Variants in BCAR3 observed in about 807,000 individuals in gnomAD.
The protein encoded by BCAR3 is BCAR3 adaptor protein, NSP family member.
BCAR3 carries 37 observed loss-of-function variants against 80.1 expected under a neutral mutation model. That is an observed-to-expected ratio of 0.46 (90% CI 0.36 to 0.61). The LOEUF (loss-of-function observed/expected upper bound fraction) is 0.61, where lower values mean the gene tolerates loss of function less well. BCAR3 is among the 20% of genes least tolerant of loss of function. BCAR3 has a pLI of 0.00. For synonymous variants in BCAR3, 389 were observed against 418.9 expected (o/e 0.93, Z 0.87); for missense variants, 978 against 1,068.2 (o/e 0.92, Z 1.18).
At chr1:93,705,655 C>T (rs1002149800) in intron 3 of BCAR3, among the ~76,000 whole-genome samples, 2 of 152,218 alleles carry the variant, frequency 1.3e-5, no homozygotes, top group African/African-American at 4.8e-5. Context: ...ACCTGAAACC[C>T]TCCCCACCTT....
At chr1:93,751,607 T>C (rs1024714040) in intron 2 of BCAR3, among the ~76,000 whole-genome samples, 6 of 152,146 alleles carry the variant, frequency 3.9e-5, no homozygotes, top group Non-Finnish European at 4.4e-5. Flanking sequence ...CGGACCTAGT[T>C]TTCTTCTAAA....
intron 2 of BCAR3, among the ~76,000 whole-genome samples, chr1:93,827,888 C>T (rs1654423714): frequency 6.6e-6 from 1 of 152,098 alleles, no homozygotes; most frequent in Non-Finnish European, 1.5e-5. Context: ...GATTGGAAGG[C>T]CTCAGAAGCA....
At chr1:93,694,054 G>A (rs1649295508) in intron 3 of BCAR3, among the ~76,000 whole-genome samples, 2 of 152,224 alleles carry the variant, frequency 1.3e-5, no homozygotes, top group African/African-American at 4.8e-5. Context: ...AGTTGCCCAA[G>A]GTTGCATGTC....
chr1:93,562,120 A>G lies in BCAR3; in HGVS notation c.*121T>C, dbSNP rs1457114168. The G allele has an allele frequency of 9.8e-7, 1 of 1,017,100 alleles. No individual in the cohort carries two copies. Among genetic ancestry groups the G allele is most frequent in the Non-Finnish European group, 1.4e-6 (1 of 706,384 alleles). 63.0% of individuals were successfully genotyped at this position (1,017,100 alleles called of 1,614,324 possible). On this transcript the variant is annotated 3_prime_UTR_variant, in exon 12 of 12. Transcript: ENST00000260502. ...AATTTACACGTTTAATATCCTGTGG[A>G]TACTAAAAGCTTGTATATTGTCAGA...
intron 3 of BCAR3, chr1:93,594,350 T>A (rs939691268): frequency 5.0e-4 from 76 of 152,280 alleles, no homozygotes; most frequent in African/African-American, 1.8e-3. Flanking sequence ...AAGACCACAT[T>A]CCTCAATCTC....
Position 93,566,995 on chromosome 1 carries a change from T to C in BCAR3, c.2299+284A>G, listed in dbSNP as rs543180666. 2.2e-4 allele frequency among the ~76,000 whole-genome samples: 33 copies of C among 152,312 alleles called. 1 individual carries two copies. In the South Asian group the frequency reaches 6.8e-3, roughly 32 times the overall value. On this transcript the variant is annotated intron_variant, in intron 11 of 11. Coordinates refer to ENST00000260502, the MANE Select transcript of BCAR3 (RefSeq NM_003567.4). ...TACCTGCCTCAGCCTCCCAGAGTGC[T>C]GGGATTACAGGCTTGAACCACCACG...
At chr1:93,757,792 G>C (rs928364466) in intron 2 of BCAR3, among the ~76,000 whole-genome samples, 1 of 152,180 alleles carries the variant, frequency 6.6e-6, no homozygotes, top group African/African-American at 2.4e-5. Flanking sequence ...CCTCTGTGCT[G>C]GCAGCCTCTT....
intron 2 of BCAR3, chr1:93,754,415 T>C (rs1651679051): frequency 6.6e-6 from 1 of 152,240 alleles, no homozygotes; most frequent in Non-Finnish European, 1.5e-5. Context: ...TTAGTGGAAA[T>C]ACCTTCCATT....
At chr1:93,731,487 G>A (rs543990250) in intron 2 of BCAR3, among the ~76,000 whole-genome samples, 3 of 151,956 alleles carry the variant, frequency 2.0e-5, no homozygotes, top group Non-Finnish European at 4.4e-5. Context: ...GGGGAAAGCC[G>A]CTGGGCCTGC....
chr1:93,591,482 A>G (rs1674186803), intron 4 of BCAR3, among the ~76,000 whole-genome samples: 1 of 152,120 alleles, frequency 6.6e-6, no homozygotes, highest in African/African-American at 2.4e-5. Flanking sequence ...CTCAAAAAAA[A>G]GAAAAAAAAC....
At chr1:93,623,349 A>G (rs1047130974) in intron 3 of BCAR3, among the ~76,000 whole-genome samples, 33 of 152,154 alleles carry the variant, frequency 2.2e-4, no homozygotes, top group African/African-American at 7.7e-4. Flanking sequence ...TAAAAGCTTT[A>G]CTGAGTAGCA....
At chr1:93,678,992 C>G (rs139181587) in intron 1 of BCAR3, among the ~76,000 whole-genome samples, 208 of 152,168 alleles carry the variant, frequency 1.4e-3, no homozygotes, top group African/African-American at 4.9e-3. Flanking sequence ...TCTTATGTAC[C>G]ATTTGATTTT....
At chr1:93,602,739 C>T (rs755595710) in intron 3 of BCAR3, among the ~76,000 whole-genome samples, 4 of 152,118 alleles carry the variant, frequency 2.6e-5, no homozygotes. Flanking sequence ...GATCATGAAC[C>T]CAAAGAATGA....
intron 2 of BCAR3, among the ~76,000 whole-genome samples, chr1:93,786,877 T>C (rs1652967778): frequency 1.3e-5 from 2 of 152,204 alleles, no homozygotes; most frequent in Non-Finnish European, 2.9e-5. Context: ...TTTTTAAGTG[T>C]GAAGACTAAG....
upstream of BCAR3, among the ~76,000 whole-genome samples, chr1:93,686,533 C>T (rs1283527567): frequency 6.6e-6 from 1 of 152,184 alleles, no homozygotes; most frequent in Non-Finnish European, 1.5e-5. Flanking sequence ...AGCCATTAAT[C>T]GATACTTGCC....
intron 1 of BCAR3, among the ~76,000 whole-genome samples, chr1:93,679,799 A>G (rs1432514590): frequency 1.3e-5 from 2 of 152,262 alleles, no homozygotes; most frequent in Admixed American, 6.5e-5. Context: ...TGATCTTGCA[A>G]GCTGAGGCAG....
intron 2 of BCAR3, among the ~76,000 whole-genome samples, chr1:93,745,733 A>G (rs1261134637): frequency 6.6e-6 from 1 of 152,174 alleles, no homozygotes; most frequent in Non-Finnish European, 1.5e-5. Context: ...CCCATCTGAA[A>G]AGTAAGGCTT....
At chr1:93,575,830 T>C (rs1208904080) in intron 8 of BCAR3, among the ~76,000 whole-genome samples, 184 bp downstream of exon 8, 2 of 152,160 alleles carry the variant, frequency 1.3e-5, no homozygotes, top group Non-Finnish European at 2.9e-5. Context: ...GTGCTGTCTT[T>C]GTGTGCAACT....
At chr1:93,689,711 G>A (rs1305866631) in intron 3 of BCAR3, among the ~76,000 whole-genome samples, 3 of 152,170 alleles carry the variant, frequency 2.0e-5, no homozygotes, top group Admixed American at 6.5e-5. Context: ...AGTTATGACC[G>A]GAAAGGGCTC....
Sources: allele counts gnomAD v4.1 joint callset (sites outside exome capture counted in the v4.1 genomes callset), GRCh38; gene constraint gnomAD v4.1.1; transcripts MANE v1.5; gene names NCBI Gene and HGNC (gene_info 2026-07-23, HGNC 2026-07-21).